The following UGT1A9 variants were observed in gnomAD, a reference collection of about 807,000 sequenced individuals.
UGT1A9 encodes the protein UDP glucuronosyltransferase family 1 member A9, also known as UDP-glucuronosyltransferase 1A9.
A neutral mutation model predicts 45.0 loss-of-function variants in UGT1A9; 35 were observed. The observed-to-expected ratio is 0.78, with a 90% CI of 0.59 to 1.03. The LOEUF is 1.03. Among genes scored for constraint, UGT1A9 ranks in the 50% least tolerant of loss-of-function variants. UGT1A9 has a pLI of 0.00. For synonymous variants in UGT1A9, 278 were observed against 250.6 expected (o/e 1.11, Z -1.03); for missense variants, 687 against 666.6 (o/e 1.03, Z -0.34).
intron 1 of UGT1A9, among the ~76,000 whole-genome samples, chr2:233,757,560 A>ATATGTG (rs904896556): frequency 1.6e-5 from 2 of 123,146 alleles, no homozygotes; most frequent in African/African-American, 6.8e-5. Flanking sequence ...ATATATATAT[A>ATATGTG]TGTATATATG....
At chr2:233,705,789 C>T (rs144194882) in intron 1 of UGT1A9, among the ~76,000 whole-genome samples, 360 of 152,188 alleles carry the variant, frequency 2.4e-3, no homozygotes, top group Non-Finnish European at 4.2e-3. Flanking sequence ...TGCAAAATGC[C>T]CCTTGTTCAA....
At chr2:233,692,951 T>C in intron 1 of UGT1A9, 1 of 1,602,764 alleles carries the variant, frequency 6.2e-7, no homozygotes. Flanking sequence ...AGGAGCCCTG[T>C]GATTTGGAGA....
At chr2:233,754,901 C>G (rs996500791) in intron 1 of UGT1A9, 1 of 1,352,458 alleles carries the variant, frequency 7.4e-7, no homozygotes, top group South Asian at 1.1e-5. Flanking sequence ...TCTGACCCCC[C>G]AAAATATTCT....
chr2:233,757,535 AAT>A (rs67292694), intron 1 of UGT1A9, among the ~76,000 whole-genome samples: 3,097 of 88,180 alleles, frequency 0.035, 322 homozygotes, highest in African/African-American at 0.14. Context: ...GCCTGTAAGG[AAT>A]ATATATATAT....
intron 1 of UGT1A9, chr2:233,719,524 C>A: frequency 6.2e-7 from 1 of 1,613,952 alleles, no homozygotes; most frequent in South Asian, 1.1e-5. Flanking sequence ...GCAAGTCTTG[C>A]CTCTGAGCTT....
At chr2:233,724,298 C>T (rs1308100434) in intron 1 of UGT1A9, among the ~76,000 whole-genome samples, 3 of 143,234 alleles carry the variant, frequency 2.1e-5, no homozygotes, top group African/African-American at 7.8e-5. Flanking sequence ...CTGACCCCCC[C>T]ACCTCCCTCC....
At chr2:233,685,128 C>A (rs901416768) in intron 1 of UGT1A9, among the ~76,000 whole-genome samples, 2 of 152,126 alleles carry the variant, frequency 1.3e-5, no homozygotes, top group South Asian at 4.1e-4. Context: ...AGGTGAATTA[C>A]ATCCAGGGAT....
At chr2:233,724,529 G>C (rs1336753054) in intron 1 of UGT1A9, among the ~76,000 whole-genome samples, 1 of 116,504 alleles carries the variant, frequency 8.6e-6, no homozygotes, top group East Asian at 2.7e-4. Flanking sequence ...ATGGGGTCTC[G>C]CCGGGCAGAG....
At chr2:233,724,345 C>CT (rs2077231135) in intron 1 of UGT1A9, among the ~76,000 whole-genome samples, 1 of 148,054 alleles carries the variant, frequency 6.8e-6, no homozygotes, top group African/African-American at 2.5e-5. Context: ...GGCTGACCCC[C>CT]CCCACCTCCC....
In UGT1A9 at chr2:233,672,550, A is replaced by G. The variant is rs377261531; in HGVS notation, c.616A>G (p.Arg206Gly). The part of the protein sequence containing the change: ...GFSDAMTFKE[R>G]VRNHIMHLEE... ...CTCAGATGCCATGACTTTCAAGGAG[A>G]GAGTACGGAACCACATCATGCACTT... Residue 206 changes from arginine to glycine, a missense_variant, in exon 1 of 5, where the codon AGA becomes GGA. Transcript: ENST00000354728. 1.9e-6 allele frequency: 3 copies of G among 1,613,846 alleles called. No homozygotes were observed. In the African/African-American group the frequency reaches 4.0e-5, roughly 22 times the overall value.
intron 1 of UGT1A9, among the ~76,000 whole-genome samples, chr2:233,725,446 A>G (rs1478370195): frequency 6.6e-6 from 1 of 152,006 alleles, no homozygotes; most frequent in Non-Finnish European, 1.5e-5. Flanking sequence ...AGCCACATAC[A>G]TAATTTAAAC....
rs34358487 is a variant in UGT1A9, at chr2:233,769,432, CAT to C, written c.1295+994_1295+995del. The C allele has an allele frequency of 1.6e-5, 25 of 1,545,990 alleles. No homozygotes were observed. In the East Asian group the frequency reaches 1.8e-4, roughly 11 times the overall value. ...GTGCGTTTGTGCATGTGGCTGTGCT[CAT>C]GTGTGGGTGCACACGTGTGCATTCA... On this transcript the variant is annotated intron_variant, in intron 4 of 4. Coordinates refer to ENST00000354728, the MANE Select transcript of UGT1A9 (RefSeq NM_021027.3). The surrounding 1 kb of genome is among the most constrained non-coding windows in gnomAD (Gnocchi z 4.4).
chr2:233,717,173 C>T (rs1198418738), intron 1 of UGT1A9, among the ~76,000 whole-genome samples: 1 of 152,178 alleles, frequency 6.6e-6, no homozygotes, highest in African/African-American at 2.4e-5. Context: ...TTGAATGTGG[C>T]AAGAGCACCC....
intron 1 of UGT1A9, chr2:233,718,915 T>C (rs979373640): frequency 6.2e-7 from 1 of 1,613,984 alleles, no homozygotes; most frequent in African/African-American, 1.3e-5. Context: ...GGAAAGGTGT[T>C]GGTGGTGCCC....
At position 233,769,954 on chromosome 2, in the gene UGT1A9, T is replaced by G. The variant is rs1348335811; in HGVS notation, c.1295+1515T>G. 3 of 220,032 alleles carry G rather than the reference T, an allele frequency of 1.4e-5. No individual in the cohort carries two copies. The highest frequency in any genetic ancestry group is 2.3e-5 in the African/African-American group (1 of 44,160). The allele number at this position is 220,032 out of a possible 1,614,324, so 13.6% of individuals were successfully genotyped here. Reference sequence around the variant, plus strand: ...CCCATTCCTTCCTTCCAGCGGCTTCTTCTGGCCACCTCAATGTCAGGATGT... The same window carrying G: ...CCCATTCCTTCCTTCCAGCGGCTTCGTCTGGCCACCTCAATGTCAGGATGT... On this transcript the variant is annotated intron_variant, in intron 4 of 4. Coordinates refer to ENST00000354728, the MANE Select transcript of UGT1A9 (RefSeq NM_021027.3). This position sits in a 1 kb window ranked among gnomAD's most constrained non-coding sequence, Gnocchi z 4.4.
chr2:233,768,399 G>A lies in UGT1A9; in HGVS notation c.1255G>A (p.Asp419Asn). ...TLNVLEMTSE[D>N]LENALKAVIN... ...GAATGTTCTGGAAATGACTTCTGAA[G>A]ATTTAGAAAATGCTCTAAAAGCAGT... Residue 419 changes from aspartate to asparagine, a missense_variant, in exon 4 of 5, where the codon GAT (aspartate) becomes AAT (asparagine). Physicochemically the swap from Asp to Asn is conservative, Grantham distance 23 (BLOSUM62 1). Coordinates refer to ENST00000354728, the MANE Select transcript of UGT1A9 (RefSeq NM_021027.3). 2 of 1,614,194 alleles carry A rather than the reference G, an allele frequency of 1.2e-6. No individual in the cohort carries two copies. Among genetic ancestry groups the A allele is most frequent in the African/African-American group, 2.7e-5 (2 of 75,034 alleles).
rs41270755 is a variant in UGT1A9 at position 233,713,136 on chromosome 2, C to T, written c.855+40347C>T. On this transcript the variant is annotated intron_variant, in intron 1 of 4. Transcript: ENST00000354728. The stretch of plus-strand genomic sequence containing the variant: ...CTGGCTCAGCATGCGGGAGGCCTTG[C>T]GGGACCTCCATGCGAGAGGCCACCA... The T allele has an allele frequency of 1.3e-3, 2,088 of 1,614,170 alleles. 4 individuals are homozygous for T. The highest frequency in any genetic ancestry group is 1.7e-3 in the Non-Finnish European group (1,948 of 1,180,016).
chr2:233,767,793 GT>G, intron 2 of UGT1A9, 55 bp from the exon 3 acceptor site: 2 of 1,613,932 alleles, frequency 1.2e-6, no homozygotes, highest in Non-Finnish European at 1.7e-6. Context: ...TAGCAGATTT[GT>G]TTTCTAATCA....
chr2:233,688,585 G>C (rs924623717), intron 1 of UGT1A9, among the ~76,000 whole-genome samples: 1 of 152,028 alleles, frequency 6.6e-6, no homozygotes, highest in African/African-American at 2.4e-5. Context: ...ATCTTGTTTT[G>C]GTTGGTGTTA....
Sources: allele counts gnomAD v4.1 joint callset (sites outside exome capture counted in the v4.1 genomes callset), GRCh38; gene constraint gnomAD v4.1.1; non-coding constraint Gnocchi (gnomAD v3.1); transcripts MANE v1.5; gene names NCBI Gene and HGNC (gene_info 2026-07-23, HGNC 2026-07-21).